ERCC2: variants seen among roughly 807,000 people sequenced by gnomAD.
The protein encoded by ERCC2 is ERCC excision repair 2, TFIIH core complex helicase subunit, also known as general transcription and DNA repair factor IIH helicase subunit XPD.
A neutral mutation model predicts 99.4 loss-of-function variants in ERCC2; 90 were observed. The ratio of observed to expected loss-of-function variants is 0.91; its 90% CI spans 0.76 to 1.08. The LOEUF (loss-of-function observed/expected upper bound fraction) is 1.08, where lower values mean the gene tolerates loss of function less well. Among genes scored for constraint, ERCC2 ranks in the 50% least tolerant of loss-of-function variants. The pLI, the probability that ERCC2 is intolerant of heterozygous loss-of-function variation, is 0.00. For synonymous variants in ERCC2, 497 were observed against 432.4 expected (o/e 1.15, Z -1.85); for missense variants, 993 against 1,038.1 (o/e 0.96, Z 0.60).
At chr19:45,370,492 C>T (rs778598397) in intron 1 of ERCC2, 44 bp downstream of exon 1, 3 of 1,565,600 alleles carry the variant, frequency 1.9e-6, no homozygotes, top group East Asian at 2.4e-5. Context: ...TCTTCAAGAC[C>T]CCCCGCGCCC....
Position 45,354,739 on chromosome 19 carries a change from C to G in ERCC2, c.1656G>C (p.Trp552Cys). The G allele has an allele frequency of 1.2e-6, 2 of 1,613,976 alleles. No homozygotes were observed. Among genetic ancestry groups the G allele is most frequent in the Non-Finnish European group, 1.7e-6 (2 of 1,179,948 alleles). The change falls in exon 17 of 23, where the codon TGG becomes TGC. Residue 552 changes from tryptophan to cysteine, a missense_variant. By Grantham distance (215) the Trp-to-Cys change is radical. This residue lies in a region of ERCC2 where 909 missense variants were observed against 930.8 expected (regional missense o/e 0.98). Transcript: ENST00000391945. ...YQYMESTVAS[W>C]YEQGILENIQ... ...GGGTGGCCAGGCGTACCTGCTCATACCAGGAGGCCACGGTGCTCTCCATGT... is the reference window on the plus strand; with the variant it reads ...GGGTGGCCAGGCGTACCTGCTCATAGCAGGAGGCCACGGTGCTCTCCATGT...
At chr19:45,353,006 GA>G in intron 19 of ERCC2, 76 bp downstream of exon 19, 1 of 1,490,050 alleles carries the variant, frequency 6.7e-7, no homozygotes, top group Non-Finnish European at 9.3e-7. Context: ...TTCCCCGCGG[GA>G]GCAGACAGCA....
chr19:45,352,076 G>T, intron 22 of ERCC2, 133 bp downstream of exon 22: 2 of 1,072,984 alleles, frequency 1.9e-6, no homozygotes, highest in Non-Finnish European at 1.4e-6. Flanking sequence ...GCACGTAGAT[G>T]CACGATAAAC....
chr19:45,353,680 CAG>C (rs1300993839), intron 17 of ERCC2, among the ~76,000 whole-genome samples: 4 of 152,164 alleles, frequency 2.6e-5, no homozygotes, highest in Non-Finnish European at 5.9e-5. Context: ...ACAATAGAGA[CAG>C]TGTGGAGCCA....
At chr19:45,355,777 A>T in intron 15 of ERCC2, 49 bp from the exon 16 acceptor site, 1 of 1,453,612 alleles carries the variant, frequency 6.9e-7, no homozygotes, top group Non-Finnish European at 9.7e-7. Context: ...CAACTGCTCC[A>T]GCGTGAGTGC....
At chr19:45,369,226 C>T in intron 2 of ERCC2, 79 bp from the exon 3 acceptor site, 4 of 1,123,062 alleles carry the variant, frequency 3.6e-6, no homozygotes, top group South Asian at 1.2e-5. Flanking sequence ...TCTCCCCGAC[C>T]CCCAATGCCA....
rs537467016 is a variant in ERCC2 at position 45,351,104 on chromosome 19, TGG to T, written c.*523_*524del. The T allele has an allele frequency of 1.8e-4, 296 of 1,609,066 alleles. 1 individual carries two copies. In the African/African-American group the frequency reaches 3.2e-3, roughly 17 times the overall value. On this transcript the variant is annotated 3_prime_UTR_variant, in exon 23 of 23. Coordinates refer to ENST00000391945, the MANE Select transcript of ERCC2 (RefSeq NM_000400.4). ...AAAGGCAGGGCGGTCGGGCCAGTGG[TGG>T]AGTCAGCAGGTGGTGGGTTGGTGTC...
At position 45,350,329 on chromosome 19, in the gene ERCC2, C is replaced by T. The variant is rs776584731; in HGVS notation, c.*1300G>A. ...GGGTCCGAAAAGTTCCCAGACACTCCCTTCTCCGCAGGCCTCAGCCTACCT... is the reference window on the plus strand; with the variant it reads ...GGGTCCGAAAAGTTCCCAGACACTCTCTTCTCCGCAGGCCTCAGCCTACCT... On this transcript the variant is annotated 3_prime_UTR_variant, in exon 23 of 23. Coordinates refer to ENST00000391945, the MANE Select transcript of ERCC2 (RefSeq NM_000400.4). The T allele has an allele frequency of 1.9e-6, 3 of 1,612,036 alleles. No individual in the cohort carries two copies. The highest frequency in any genetic ancestry group is 3.3e-5 in the Admixed American group (2 of 59,924).
In ERCC2 at chr19:45,352,504, ACCTTGTCGGCAAAGACCATGAGG is replaced by A. The variant is rs1402635048; in HGVS notation, c.2025_2046+1del. 1 of 1,614,066 alleles carries A rather than the reference ACCTTGTCGGCAAAGACCATGAGG, an allele frequency of 6.2e-7. No homozygotes were observed. Among genetic ancestry groups the A allele is most frequent in the East Asian group, 2.2e-5 (1 of 44,870 alleles). On this transcript the variant is annotated splice_donor_variant and coding_sequence_variant, in exon 21 of 23. Coordinates refer to ENST00000391945, the MANE Select transcript of ERCC2 (RefSeq NM_000400.4). LOFTEE classifies it high-confidence loss of function. The stretch of plus-strand genomic sequence containing the variant: ...AGCACAGGGGCACCCCTGAAGCTGC[ACCTTGTCGGCAAAGACCATGAGG>A]CCGTAGTCCGTCTTGCCCCTGATGG...
rs1972043076 is a variant in ERCC2 at position 45,357,257 on chromosome 19, C to T, written c.1479+13G>A. On this transcript the variant is annotated intron_variant, in intron 15 of 22. Transcript: ENST00000391945. ...CTCCCCTCCCGGCCCCAGCCCTAGCCTCTCCCACTCACCATAGGGCAGAGG... is the reference window on the plus strand; with the variant it reads ...CTCCCCTCCCGGCCCCAGCCCTAGCTTCTCCCACTCACCATAGGGCAGAGG... The T allele has an allele frequency of 1.2e-6, 2 of 1,603,476 alleles. No homozygotes were observed. Among genetic ancestry groups the T allele is most frequent in the Non-Finnish European group, 1.7e-6 (2 of 1,171,456 alleles).
At chr19:45,367,517 C>CT (rs1413449695) in intron 5 of ERCC2, among the ~76,000 whole-genome samples, 1 of 109,902 alleles carries the variant, frequency 9.1e-6, no homozygotes, top group Non-Finnish European at 1.7e-5. Context: ...ACAGTGAGTA[C>CT]AATTTTTTTT....
At chr19:45,351,747 G>T in intron 22 of ERCC2, 26 bp from the exon 23 acceptor site, 4 of 1,608,476 alleles carry the variant, frequency 2.5e-6, no homozygotes, top group Non-Finnish European at 3.4e-6. Flanking sequence ...GAAAGGGAGA[G>T]GGGGGCACTG....
chr19:45,352,951 G>T, intron 19 of ERCC2, 132 bp downstream of exon 19: 1 of 1,205,498 alleles, frequency 8.3e-7, no homozygotes, highest in Non-Finnish European at 1.2e-6. Context: ...TAGGGACAGA[G>T]GGGAGGGGAG....
At chr19:45,362,004 T>G in intron 11 of ERCC2, 1 of 269,332 alleles carries the variant, frequency 3.7e-6, no homozygotes, top group Non-Finnish European at 7.4e-6. Flanking sequence ...TGGTACCATC[T>G]CGACTCCGCC....
chr19:45,351,808 T>C (rs55674245), intron 22 of ERCC2, 87 bp from the exon 23 acceptor site: 4 of 1,153,876 alleles, frequency 3.5e-6, no homozygotes, highest in African/African-American at 1.5e-5. Context: ...CCCCCCCGAA[T>C]GGCCAGTAGG....
intron 12 of ERCC2, 52 bp from the exon 13 acceptor site, chr19:45,357,751 G>T (rs1378257810): frequency 6.6e-7 from 1 of 1,509,622 alleles, no homozygotes; most frequent in Non-Finnish European, 9.2e-7. Context: ...AGCCACAGCT[G>T]CACCCACTCA....
rs1971832952 is a variant in ERCC2 at position 45,352,313 on chromosome 19, A to G, written c.2086T>C (p.Trp696Arg). ...GCATCTGTGAGGTGCTCCTGGATCC[A>G]GCGGGGCAGCTTCCCCCGCTTGTCC... ...RGDKRGKLPRWIQEHLTDANL... is the reference protein window; with the variant it reads ...RGDKRGKLPRRIQEHLTDANL... The change falls in exon 22 of 23, where the codon TGG becomes CGG. Residue 696 changes from tryptophan (W) to arginine (R), a missense_variant. This residue lies in a region of ERCC2 where 909 missense variants were observed against 930.8 expected (regional missense o/e 0.98). Transcript: ENST00000391945. The G allele has an allele frequency of 6.2e-7, 1 of 1,614,098 alleles. No individual in the cohort carries two copies.
At chr19:45,359,525 G>C (rs543110563) in intron 12 of ERCC2, among the ~76,000 whole-genome samples, 1 of 152,186 alleles carries the variant, frequency 6.6e-6, no homozygotes, top group Non-Finnish European at 1.5e-5. Flanking sequence ...GGGAACACCG[G>C]CCCATAAAGC....
chr19:45,353,686 G>A (rs1171529232), intron 17 of ERCC2, among the ~76,000 whole-genome samples: 6 of 152,190 alleles, frequency 3.9e-5, no homozygotes, highest in Admixed American at 2.0e-4. Context: ...GAGACAGTGT[G>A]GAGCCAATGC....
Sources: gnomAD v4.1 joint callset for allele counts (sites outside exome capture counted in the v4.1 genomes callset) on GRCh38, gnomAD v4.1.1 for gene constraint, gnomAD v4.1.1 regional missense constraint, MANE v1.5 for transcripts, NCBI Gene and HGNC (gene_info 2026-07-23, HGNC 2026-07-21) for gene names.